Variants in DGKI observed in about 807,000 individuals in gnomAD.
DGKI encodes the protein DAG kinase iota.
In DGKI, 55 loss-of-function variants were observed where a neutral mutation model predicts 147.5. The ratio of observed to expected loss-of-function variants is 0.37; its 90% CI spans 0.30 to 0.47. DGKI has a LOEUF of 0.47. Ranked by LOEUF, DGKI falls within the 20% of genes least tolerant of loss-of-function variation. The pLI, the probability that DGKI is intolerant of heterozygous loss-of-function variation, is 1.00. For synonymous variants in DGKI, 469 were observed against 477.1 expected (o/e 0.98, Z 0.22); for missense variants, 1,007 against 1,323.8 (o/e 0.76, Z 3.71).
chr7:137,753,208 G>A (rs553711388), intron 1 of DGKI, among the ~76,000 whole-genome samples: 1 of 152,306 alleles, frequency 6.6e-6, no homozygotes, highest in South Asian at 2.1e-4. Flanking sequence ...GGAAAAGCAA[G>A]GTGGCTCTGC....
chr7:137,760,147 T>C (rs995065620), intron 1 of DGKI, among the ~76,000 whole-genome samples: 2 of 152,114 alleles, frequency 1.3e-5, no homozygotes, highest in African/African-American at 4.8e-5. Context: ...CACCTACTAA[T>C]CTTTCCTGCG....
chr7:137,458,587 A>G (rs1814297701), intron 27 of DGKI, among the ~76,000 whole-genome samples: 2 of 152,202 alleles, frequency 1.3e-5, no homozygotes, highest in Non-Finnish European at 2.9e-5. Context: ...GCCTGCTCTT[A>G]ACCCACCTGA....
chr7:137,752,578 A>C (rs978123992), intron 1 of DGKI, among the ~76,000 whole-genome samples: 2 of 152,198 alleles, frequency 1.3e-5, no homozygotes, highest in African/African-American at 4.8e-5. Flanking sequence ...CTAACGGGTT[A>C]TGTTATCTGT....
chr7:137,428,939 A>G (rs552356666), intron 28 of DGKI, among the ~76,000 whole-genome samples: 3 of 152,146 alleles, frequency 2.0e-5, no homozygotes, highest in Admixed American at 6.5e-5. Flanking sequence ...CATGCTCATG[A>G]GTAGGAAGAA....
intron 1 of DGKI, among the ~76,000 whole-genome samples, chr7:137,772,888 A>C (rs1463139900): frequency 6.6e-6 from 1 of 152,220 alleles, no homozygotes; most frequent in Non-Finnish European, 1.5e-5. Flanking sequence ...TGACCCTAGA[A>C]TTAGTGGGGA....
At chr7:137,476,016 C>T (rs1815158915) in intron 23 of DGKI, among the ~76,000 whole-genome samples, 1 of 152,118 alleles carries the variant, frequency 6.6e-6, no homozygotes, top group Non-Finnish European at 1.5e-5. Context: ...AAATTTGGGG[C>T]TAAAAACCTT....
chr7:137,833,917 T>C (rs1487053562), intron 1 of DGKI, among the ~76,000 whole-genome samples: 1 of 152,210 alleles, frequency 6.6e-6, no homozygotes, highest in Non-Finnish European at 1.5e-5. Flanking sequence ...TATAGGAATA[T>C]AGCACAGAAT....
At chr7:137,462,635 C>T (rs73443783) in intron 27 of DGKI, among the ~76,000 whole-genome samples, 20,738 of 152,110 alleles carry the variant, frequency 0.14, 3,126 homozygotes, top group African/African-American at 0.38. Flanking sequence ...GAAGAATCTT[C>T]AGTTATCTTG....
At chr7:137,572,890 A>C in intron 17 of DGKI, 52 bp from the exon 18 acceptor site, 1 of 1,368,820 alleles carries the variant, frequency 7.3e-7, no homozygotes, top group Non-Finnish European at 1.0e-6. Context: ...AAGTCTAAAA[A>C]CCTATGAAAG....
chr7:137,602,062 G>A (rs1438753131), intron 10 of DGKI, among the ~76,000 whole-genome samples: 1 of 151,988 alleles, frequency 6.6e-6, no homozygotes, highest in Non-Finnish European at 1.5e-5. Context: ...GTGTGTTTGG[G>A]ATTATCTCGA....
At chr7:137,663,117 T>A (rs1370471346) in intron 3 of DGKI, among the ~76,000 whole-genome samples, 1 of 152,242 alleles carries the variant, frequency 6.6e-6, no homozygotes, top group Non-Finnish European at 1.5e-5. Context: ...TTTTCCAGAA[T>A]ATATTTATGG....
chr7:137,819,365 G>A (rs181754931), intron 1 of DGKI, among the ~76,000 whole-genome samples: 2 of 150,418 alleles, frequency 1.3e-5, no homozygotes, highest in African/African-American at 4.9e-5. Context: ...AGGCTGGAGT[G>A]CAGTGGCGCC....
intron 1 of DGKI, among the ~76,000 whole-genome samples, chr7:137,827,175 A>G (rs1006383325): frequency 6.6e-6 from 1 of 152,164 alleles, no homozygotes; most frequent in African/African-American, 2.4e-5. Context: ...ACTTGCAGCT[A>G]TAACAGTGAC....
rs868019799 is a variant in DGKI at position 137,626,331 on chromosome 7, A to C, written c.805-2777T>G. Among the ~76,000 whole-genome samples, 17 of 126,286 alleles carry C rather than the reference A, an allele frequency of 1.3e-4. 1 individual carries two copies. In the Middle Eastern group the frequency reaches 0.019, roughly 140 times the overall value. The allele number at this position is 126,286 out of a possible 152,430, so 82.8% of individuals were successfully genotyped here. A position where few individuals can be genotyped will look rare whatever the true frequency, so the allele number is the denominator to read the frequency against. On this transcript the variant is annotated intron_variant, in intron 6 of 32. Coordinates refer to ENST00000614521, the MANE Select transcript of DGKI (RefSeq NM_001321708.2). Reference sequence around the variant, plus strand: ...GAAAAAAAGTGCTTCTGACACACACACACACACACACACACACACACACAC... The same window carrying C: ...GAAAAAAAGTGCTTCTGACACACACCCACACACACACACACACACACACAC...
intron 22 of DGKI, among the ~76,000 whole-genome samples, chr7:137,486,731 G>T (rs745707585): frequency 6.6e-6 from 1 of 152,036 alleles, no homozygotes; most frequent in Admixed American, 6.6e-5. Context: ...GGGTGAAGTG[G>T]TTACAACTCA....
At chr7:137,560,132 G>C (rs867756482) in intron 19 of DGKI, among the ~76,000 whole-genome samples, 1 of 151,760 alleles carries the variant, frequency 6.6e-6, no homozygotes, top group Non-Finnish European at 1.5e-5. Context: ...GACAACACAG[G>C]CAAAGAAGCA....
intron 6 of DGKI, among the ~76,000 whole-genome samples, chr7:137,625,797 G>T (rs1187050248): frequency 6.7e-6 from 1 of 150,368 alleles, no homozygotes; most frequent in African/African-American, 2.4e-5. Context: ...TGTACATTTT[G>T]TCCTTCTGGA....
chr7:137,463,690 T>C, intron 26 of DGKI, 79 bp from the exon 27 acceptor site: 1 of 1,547,768 alleles, frequency 6.5e-7, no homozygotes, highest in East Asian at 2.3e-5. Flanking sequence ...TGAAGATGAA[T>C]CTTGCCAGTA....
intron 1 of DGKI, among the ~76,000 whole-genome samples, chr7:137,744,550 A>G (rs1168485140): frequency 6.6e-6 from 1 of 152,196 alleles, no homozygotes; most frequent in Admixed American, 6.5e-5. Context: ...CTACAAAACC[A>G]GTATCATCCT....
Sources: allele counts gnomAD v4.1 joint callset (sites outside exome capture counted in the v4.1 genomes callset), GRCh38; gene constraint gnomAD v4.1.1; transcripts MANE v1.5; gene names NCBI Gene and HGNC (gene_info 2026-07-23, HGNC 2026-07-21).